Variants in LRRC8B observed in about 807,000 individuals in gnomAD.
LRRC8B encodes leucine rich repeat containing 8 VRAC subunit B.
A neutral mutation model predicts 58.8 loss-of-function variants in LRRC8B; 23 were observed. The observed-to-expected ratio is 0.39, with a 90% CI of 0.28 to 0.55. The LOEUF is 0.55. LRRC8B is among the 20% of genes least tolerant of loss of function. The pLI is 0.62. For synonymous variants in LRRC8B, 359 were observed against 374.1 expected (o/e 0.96, Z 0.47); for missense variants, 694 against 936.0 (o/e 0.74, Z 3.37).
chr1:89,534,514 TAC>T (rs71312000), intron 1 of LRRC8B, among the ~76,000 whole-genome samples: 5,093 of 148,708 alleles, frequency 0.034, 244 homozygotes, highest in African/African-American at 0.1. Flanking sequence ...TTTTGTGACA[TAC>T]ACACACACAC....
Position 89,582,849 on chromosome 1 carries a change from G to GC in LRRC8B, c.201dup (p.Val68ArgfsTer15). 1 of 1,614,194 alleles carries GC rather than the reference G, an allele frequency of 6.2e-7. No individual in the cohort carries two copies. Among genetic ancestry groups the GC allele is most frequent in the Non-Finnish European group, 8.5e-7 (1 of 1,180,040 alleles). On this transcript the variant is annotated frameshift_variant, in exon 5 of 6. Coordinates refer to ENST00000330947, the MANE Select transcript of LRRC8B (RefSeq NM_001369817.2). LOFTEE classifies it high-confidence loss of function. Reference sequence around the variant, plus strand: ...CAAAGTGGAATTTGACAATCACTGTGCCGTGCCTTGGGACATCCTGAAAGC... The same window carrying GC: ...CAAAGTGGAATTTGACAATCACTGTGCCCGTGCCTTGGGACATCCTGAAAGC...
intron 1 of LRRC8B, among the ~76,000 whole-genome samples, chr1:89,548,840 C>A (rs567798763): frequency 6.6e-6 from 1 of 152,152 alleles, no homozygotes; most frequent in African/African-American, 2.4e-5. Context: ...TTCCTTTGTA[C>A]CAATACCCTT....
intron 1 of LRRC8B, among the ~76,000 whole-genome samples, chr1:89,535,913 AAATGC>A (rs1650492839): frequency 6.6e-6 from 1 of 152,156 alleles, no homozygotes; most frequent in Non-Finnish European, 1.5e-5. Context: ...CTTTACAAAT[AAATGC>A]AATTGAGAGG....
rs535924121 is a variant in LRRC8B, at chr1:89,529,795, C to A, written c.-241+4773C>A. The stretch of plus-strand genomic sequence containing the variant: ...TGGTTAAGCCTTAACCTTCCTCAGC[C>A]TTGAATTATTTTTGGCTGACCCACT... On this transcript the variant is annotated intron_variant, in intron 1 of 5. Transcript: ENST00000330947. Among the ~76,000 whole-genome samples the A allele has an allele frequency of 1.4e-4, 22 of 152,196 alleles. No individual in the cohort carries two copies. The South Asian group carries it at 4.6e-3, about 31-fold the overall frequency.
chr1:89,546,292 G>A (rs921085198), intron 1 of LRRC8B, among the ~76,000 whole-genome samples: 3 of 152,092 alleles, frequency 2.0e-5, no homozygotes, highest in Non-Finnish European at 4.4e-5. Context: ...TTGACTGTGA[G>A]CCCAAAGTGG....
intron 3 of LRRC8B, among the ~76,000 whole-genome samples, chr1:89,578,401 A>G (rs150833402): frequency 1.3e-3 from 192 of 151,524 alleles, no homozygotes; most frequent in Middle Eastern, 6.8e-3. Flanking sequence ...ATGTTGTAAG[A>G]CTTTTATAAA....
intron 1 of LRRC8B, among the ~76,000 whole-genome samples, chr1:89,560,728 A>G (rs1652578689): frequency 1.3e-5 from 2 of 149,510 alleles, no homozygotes; most frequent in Non-Finnish European, 3.0e-5. Context: ...ATCATTTTTT[A>G]TGGCTGCATA....
In LRRC8B at chr1:89,558,215, A is replaced by C. The variant is rs554745225; in HGVS notation, c.-240-10032A>C. ...CACTGTTGTCAAGTGATCAGTGATC[A>C]CTGTGATCACAGAATTCATAATCCA... On this transcript the variant is annotated intron_variant, in intron 1 of 5. Coordinates refer to ENST00000330947, the MANE Select transcript of LRRC8B (RefSeq NM_001369817.2). Among the ~76,000 whole-genome samples the C allele has an allele frequency of 5.3e-5, 8 of 152,236 alleles. No individual in the cohort carries two copies. In the South Asian group the frequency reaches 1.0e-3, roughly 20 times the overall value.
chr1:89,585,546 GA>G (rs1197827575), intron 5 of LRRC8B, among the ~76,000 whole-genome samples: 1 of 152,196 alleles, frequency 6.6e-6, no homozygotes, highest in Non-Finnish European at 1.5e-5. Flanking sequence ...CATTTGGGAA[GA>G]AAGAGGGAAA....
chr1:89,558,383 A>G (rs532417415), intron 1 of LRRC8B, among the ~76,000 whole-genome samples: 1 of 152,292 alleles, frequency 6.6e-6, no homozygotes, highest in East Asian at 1.9e-4. Flanking sequence ...CCTCCCTGAG[A>G]CATCACTTTG....
At chr1:89,549,641 T>C (rs1366214082) in intron 1 of LRRC8B, among the ~76,000 whole-genome samples, 1 of 152,144 alleles carries the variant, frequency 6.6e-6, no homozygotes, top group Non-Finnish European at 1.5e-5. Flanking sequence ...TGGATGCGGA[T>C]TTGCATATGT....
rs902600037 is a variant in LRRC8B, at chr1:89,595,871, G to T, written c.*2828G>T. 1.1e-4 allele frequency: 16 copies of T among 152,062 alleles called. No individual in the cohort carries two copies. The highest frequency in any genetic ancestry group is 3.9e-4 in the African/African-American group (16 of 41,416). 9.4% of individuals were successfully genotyped at this position (152,062 alleles called of 1,614,324 possible). On this transcript the variant is annotated 3_prime_UTR_variant, in exon 6 of 6. Coordinates refer to ENST00000330947, the MANE Select transcript of LRRC8B (RefSeq NM_001369817.2). ...TAAGTTTGTTAAATTATAATTATGA[G>T]ACTTTCGTTGGCATTTGATTTCAAG...
In LRRC8B at chr1:89,584,446, G is replaced by A; in HGVS notation, c.1796G>A (p.Arg599His). 1 of 1,614,154 alleles carries A rather than the reference G, an allele frequency of 6.2e-7. No homozygotes were observed. The highest frequency in any genetic ancestry group is 8.5e-7 in the Non-Finnish European group (1 of 1,180,006). The change falls in exon 5 of 6, where the codon CGC (arginine) becomes CAC (histidine). Residue 599 changes from arginine (R) to histidine (H), a missense_variant. Arg to His is a conservative substitution (Grantham distance 29). Coordinates refer to ENST00000330947, the MANE Select transcript of LRRC8B (RefSeq NM_001369817.2). ...SLELISCDLE[R>H]IPHSIFSLNN... The stretch of plus-strand genomic sequence containing the variant: ...GAACTGATCAGCTGTGACCTGGAAC[G>A]CATCCCACATTCCATTTTCAGCCTG...
rs1312817337 is a variant in LRRC8B, at chr1:89,593,154, T to C, written c.*111T>C. ...CTTTGGGAGGCCAAGATGGGCGGAT[T>C]GCTTGAGGTCAGGAGTTCGAGACCA... On this transcript the variant is annotated 3_prime_UTR_variant, in exon 6 of 6. Transcript: ENST00000330947. 9.2e-6 allele frequency: 10 copies of C among 1,091,660 alleles called. No individual in the cohort carries two copies. The highest frequency in any genetic ancestry group is 1.3e-5 in the Non-Finnish European group (10 of 753,110). The allele number at this position is 1,091,660 out of a possible 1,614,324, so 67.6% of individuals were successfully genotyped here. A position where few individuals can be genotyped will look rare whatever the true frequency, so the allele number is the denominator to read the frequency against.
intron 1 of LRRC8B, among the ~76,000 whole-genome samples, chr1:89,564,586 C>T (rs1283715565): frequency 6.6e-6 from 1 of 152,102 alleles, no homozygotes; most frequent in Non-Finnish European, 1.5e-5. Context: ...TAAGTGTTAT[C>T]CTTCCCCTAA....
intron 1 of LRRC8B, among the ~76,000 whole-genome samples, chr1:89,556,195 A>C (rs945947758): frequency 6.6e-6 from 1 of 152,068 alleles, no homozygotes; most frequent in Non-Finnish European, 1.5e-5. Context: ...CCCCTAAACA[A>C]TGGAGTTCAG....
At position 89,597,085 on chromosome 1, in the gene LRRC8B, C is replaced by T. The variant is rs1655338529; in HGVS notation, c.*4042C>T. The T allele has an allele frequency of 6.6e-6, 1 of 152,154 alleles. No homozygotes were observed. Among genetic ancestry groups the T allele is most frequent in the Non-Finnish European group, 1.5e-5 (1 of 68,010 alleles). 9.4% of individuals were successfully genotyped at this position (152,154 alleles called of 1,614,324 possible). A position where few individuals can be genotyped will look rare whatever the true frequency, so the allele number is the denominator to read the frequency against. ...TGCCCTCGATATAATTATTTCTTTT[C>T]AGCTGGATGTGAAAAGCTGAAGCAG... On this transcript the variant is annotated 3_prime_UTR_variant, in exon 6 of 6. Coordinates refer to ENST00000330947, the MANE Select transcript of LRRC8B (RefSeq NM_001369817.2).
chr1:89,526,163 C>G (rs1024447424), intron 1 of LRRC8B, among the ~76,000 whole-genome samples: 1 of 152,156 alleles, frequency 6.6e-6, no homozygotes, highest in African/African-American at 2.4e-5. Flanking sequence ...ATTCCAGTAC[C>G]CTCTATGTGT....
chr1:89,544,303 T>A (rs997572173), intron 1 of LRRC8B, among the ~76,000 whole-genome samples: 7 of 152,132 alleles, frequency 4.6e-5, no homozygotes, highest in African/African-American at 1.7e-4. Flanking sequence ...TAAAAAAAAA[T>A]TATTTCTAAA....
Sources: allele counts gnomAD v4.1 joint callset (sites outside exome capture counted in the v4.1 genomes callset), GRCh38; gene constraint gnomAD v4.1.1; transcripts MANE v1.5; gene names NCBI Gene and HGNC (gene_info 2026-07-23, HGNC 2026-07-21).